The following ARVCF variants were observed in gnomAD, a reference collection of about 807,000 sequenced individuals.
The protein encoded by ARVCF is ARVCF delta catenin family member.
Under a neutral mutation model 90.9 loss-of-function variants are expected in ARVCF, and 66 were observed. The observed-to-expected ratio is 0.73, with a 90% CI of 0.60 to 0.89. ARVCF has a LOEUF of 0.89. ARVCF is among the 40% of genes least tolerant of loss of function. The probability of loss-of-function intolerance (pLI) is 0.00; values close to 1 mark genes in which losing one functional copy is unlikely to be tolerated. For missense variants in ARVCF, 1,469 were observed against 1,382.3 expected (o/e 1.06, Z -1.00); for synonymous variants, 653 against 603.4 (o/e 1.08, Z -1.21).
At chr22:20,009,961 T>C (rs188374623) in intron 2 of ARVCF, among the ~76,000 whole-genome samples, 99 of 152,292 alleles carry the variant, frequency 6.5e-4, no homozygotes, top group African/African-American at 2.3e-3. Flanking sequence ...GCCTGCAAAA[T>C]TGAATTACTT....
intron 3 of ARVCF, 102 bp from the exon 4 acceptor site, chr22:19,982,193 C>A: frequency 6.7e-7 from 1 of 1,490,930 alleles, no homozygotes; most frequent in South Asian, 1.3e-5. Flanking sequence ...TGCTGGCCAG[C>A]ACACCAGGGT....
At chr22:19,990,120 G>C (rs894746013) in intron 3 of ARVCF, among the ~76,000 whole-genome samples, 6 of 152,144 alleles carry the variant, frequency 3.9e-5, no homozygotes, top group African/African-American at 1.4e-4. Flanking sequence ...GGCTGAGTAG[G>C]GGCCGGAGCC....
intron 3 of ARVCF, chr22:19,987,007 G>GGCCGACGCCCCGCCCTCTGCC: frequency 3.1e-6 from 2 of 643,438 alleles, no homozygotes; most frequent in South Asian, 3.3e-5. Context: ...CTCCCGGGCA[G>GGCCGACGCCCCGCCCTCTGCC]GCCGACGCCC....
At chr22:19,999,633 T>A (rs1230378713) in intron 2 of ARVCF, among the ~76,000 whole-genome samples, 1 of 152,102 alleles carries the variant, frequency 6.6e-6, no homozygotes, top group Admixed American at 6.5e-5. Flanking sequence ...GGCCATATGG[T>A]TCAGAATGGA....
chr22:19,974,498 G>A (rs1417601785), intron 11 of ARVCF, among the ~76,000 whole-genome samples: 4 of 152,152 alleles, frequency 2.6e-5, no homozygotes, highest in Non-Finnish European at 5.9e-5. Context: ...CTGGGGTGGG[G>A]AGGGAGGTGT....
rs948112678 is a variant in ARVCF, at chr22:19,972,415, C to T, written c.2642-4G>A. Reference sequence around the variant, plus strand: ...CGGCTGCCAGTTTTCTCGCCCTCTGCAAGGCAGGAGGAGGAGACGGGCTGC... The same window carrying T: ...CGGCTGCCAGTTTTCTCGCCCTCTGTAAGGCAGGAGGAGGAGACGGGCTGC... On this transcript the variant is annotated splice_polypyrimidine_tract_variant and splice_region_variant and intron_variant, in intron 16 of 19. Transcript: ENST00000263207. 1 of 1,613,460 alleles carries T rather than the reference C, an allele frequency of 6.2e-7. No individual in the cohort carries two copies. The highest frequency in any genetic ancestry group is 8.5e-7 in the Non-Finnish European group (1 of 1,179,948).
chr22:19,996,586 A>G (rs1403154438), intron 2 of ARVCF, among the ~76,000 whole-genome samples: 1 of 152,252 alleles, frequency 6.6e-6, no homozygotes, highest in Non-Finnish European at 1.5e-5. Context: ...TATTTGTAAC[A>G]TACAACAACA....
At chr22:20,007,038 G>C (rs1329447276) in intron 2 of ARVCF, among the ~76,000 whole-genome samples, 1 of 152,096 alleles carries the variant, frequency 6.6e-6, no homozygotes, top group Non-Finnish European at 1.5e-5. Flanking sequence ...TGGATTGCTG[G>C]GGCCCAGAAG....
intron 1 of ARVCF, among the ~76,000 whole-genome samples, chr22:20,014,890 T>C (rs1005788975): frequency 6.6e-6 from 1 of 152,040 alleles, no homozygotes; most frequent in African/African-American, 2.4e-5. Flanking sequence ...TCACCCTGAA[T>C]CCCTGTGTAG....
Position 19,980,035 on chromosome 22 carries a change from C to T in ARVCF, c.1104G>A (p.Arg368=). ...TGGCCTTCACGGGGTCCACGGGGTGCCGCAGCATGGCCAGCACCTCAGGCA... is the reference window on the plus strand; with the variant it reads ...TGGCCTTCACGGGGTCCACGGGGTGTCGCAGCATGGCCAGCACCTCAGGCA... ...PELPEVLAML[R]HPVDPVKANA... The change falls in exon 6 of 20, where the codon CGG becomes CGA. Residue 368 remains arginine (R), a synonymous_variant. Transcript: ENST00000263207. 6.3e-7 allele frequency: 1 copy of T among 1,588,040 alleles called. No homozygotes were observed. The highest frequency in any genetic ancestry group is 8.6e-7 in the Non-Finnish European group (1 of 1,166,854).
intron 8 of ARVCF, 147 bp from the exon 9 acceptor site, chr22:19,977,733 C>T (rs967092826): frequency 1.4e-5 from 17 of 1,234,146 alleles, no homozygotes; most frequent in African/African-American, 9.2e-5. Flanking sequence ...GGGCGGTAAC[C>T]GCCAGGAAGG....
rs771376514 is a variant in ARVCF, at chr22:19,996,261, C to G, written c.-18-5449G>C. Among the ~76,000 whole-genome samples the G allele has an allele frequency of 1.7e-4, 25 of 150,776 alleles. 1 individual carries two copies. Among genetic ancestry groups the G allele is most frequent in the Admixed American group, 5.3e-4 (8 of 15,142 alleles). On this transcript the variant is annotated intron_variant, in intron 2 of 19. Coordinates refer to ENST00000263207, the MANE Select transcript of ARVCF (RefSeq NM_001670.3). ...GCCTCCAAGCAGCAGAAAGAACCCC[C>G]GAGGAAAGACGCACAAGCGTGACTT...
At chr22:19,968,058 A>G (rs1168330701), downstream of ARVCF, among the ~76,000 whole-genome samples, 2 of 152,184 alleles carry the variant, frequency 1.3e-5, no homozygotes, top group Admixed American at 1.3e-4. Flanking sequence ...CCCAAGGGGC[A>G]GGCTTGTTGA....
At chr22:20,013,329 C>A (rs548244791) in intron 1 of ARVCF, among the ~76,000 whole-genome samples, 1 of 152,198 alleles carries the variant, frequency 6.6e-6, no homozygotes, top group Non-Finnish European at 1.5e-5. Context: ...TTTGGGGCTA[C>A]GCAGGCACAG....
rs1944785759 is a variant in ARVCF at position 20,010,460 on chromosome 22, T to C, written c.-24A>G. ...GCTAAACCCAGGCCACTCACCTGTCTTGAGGGAAGATCAGCATGTCCCGAC... is the reference window on the plus strand; with the variant it reads ...GCTAAACCCAGGCCACTCACCTGTCCTGAGGGAAGATCAGCATGTCCCGAC... On this transcript the variant is annotated 5_prime_UTR_variant, in exon 2 of 20. Coordinates refer to ENST00000263207, the MANE Select transcript of ARVCF (RefSeq NM_001670.3). The C allele has an allele frequency of 6.6e-6, 1 of 152,268 alleles. No homozygotes were observed. Among genetic ancestry groups the C allele is most frequent in the African/African-American group, 2.4e-5 (1 of 41,430 alleles). The allele number at this position is 152,268 out of a possible 1,614,324, so 9.4% of individuals were successfully genotyped here.
chr22:19,966,981 C>T, downstream of ARVCF: 1 of 985,436 alleles, frequency 1.0e-6, no homozygotes, highest in African/African-American at 1.7e-5. Context: ...CATGTTTAGC[C>T]AGTTCTCCAG....
intron 1 of ARVCF, among the ~76,000 whole-genome samples, chr22:20,012,088 C>CG (rs934453463): frequency 2.7e-4 from 38 of 139,232 alleles, no homozygotes; most frequent in South Asian, 2.2e-3. Flanking sequence ...GTCCCCCCCC[C>CG]CCACCCAGTT....
chr22:19,990,530 C>A, intron 3 of ARVCF, 55 bp downstream of exon 3: 1 of 1,541,458 alleles, frequency 6.5e-7, no homozygotes, highest in Admixed American at 1.9e-5. Context: ...CCAGGACCCA[C>A]TGATTGTTTT....
intron 2 of ARVCF, among the ~76,000 whole-genome samples, chr22:19,999,018 G>A (rs1034242121): frequency 2.6e-5 from 4 of 152,314 alleles, no homozygotes; most frequent in Admixed American, 2.0e-4. Flanking sequence ...TTCCAGGGCT[G>A]GGGAAATGGA....
Sources: gnomAD v4.1 joint callset for allele counts (sites outside exome capture counted in the v4.1 genomes callset) on GRCh38, gnomAD v4.1.1 for gene constraint, MANE v1.5 for transcripts, NCBI Gene and HGNC (gene_info 2026-07-23, HGNC 2026-07-21) for gene names.